Variants in ATL2 observed in about 807,000 individuals in gnomAD.
ATL2 encodes the protein atlastin-2.
In ATL2, 31 loss-of-function variants were observed where a neutral mutation model predicts 73.9. The ratio of observed to expected loss-of-function variants is 0.42; its 90% CI spans 0.32 to 0.57. The LOEUF (loss-of-function observed/expected upper bound fraction) is 0.57, where lower values mean the gene tolerates loss of function less well. ATL2 is among the 20% of genes least tolerant of loss of function. ATL2 has a pLI of 0.14. For synonymous variants in ATL2, 291 were observed against 237.5 expected (o/e 1.23, Z -2.07); for missense variants, 738 against 702.6 (o/e 1.05, Z -0.57).
intron 2 of ATL2, among the ~76,000 whole-genome samples, chr2:38,325,699 T>TACACAC (rs1221635411): frequency 0.017 from 186 of 11,242 alleles, 25 homozygotes; most frequent in East Asian, 0.025. Flanking sequence ...CACACACCAG[T>TACACAC]ACACACACAC....
At position 38,300,256 on chromosome 2, in the gene ATL2, C is replaced by G. The variant is rs754206122; in HGVS notation, c.1128+16G>C. On this transcript the variant is annotated intron_variant, in intron 10 of 12. Transcript: ENST00000378954. ...ATAAGTATATGTACAACACATATCA[C>G]TCTCTCTCTCTCTACCTGAAGCATG... The G allele has an allele frequency of 4.4e-6, 4 of 901,176 alleles. No homozygotes were observed. The African/African-American group carries it at 5.3e-5, about 12-fold the overall frequency. The allele number at this position is 901,176 out of a possible 1,614,324, so 55.8% of individuals were successfully genotyped here. A position where few individuals can be genotyped will look rare whatever the true frequency, so the allele number is the denominator to read the frequency against.
Position 38,360,513 on chromosome 2 carries a change from C to T in ATL2, c.118+16630G>A, listed in dbSNP as rs184554698. On this transcript the variant is annotated intron_variant, in intron 1 of 12. Transcript: ENST00000378954. ...CCCAGGCTGGTCTCAAACTCCTGGA[C>T]TAAAGGGATCCTCCTGCCTCAGCCT... Among the ~76,000 whole-genome samples the T allele has an allele frequency of 4.0e-4, 61 of 152,222 alleles. 1 individual carries two copies. In the Middle Eastern group the frequency reaches 0.01, roughly 25 times the overall value.
intron 1 of ATL2, among the ~76,000 whole-genome samples, chr2:38,363,966 T>C (rs1671158156): frequency 6.6e-6 from 1 of 152,144 alleles, no homozygotes; most frequent in Non-Finnish European, 1.5e-5. Flanking sequence ...AAGGCTAACT[T>C]TAAAAATGTA....
chr2:38,369,459 A>C (rs1374812402), intron 1 of ATL2, among the ~76,000 whole-genome samples: 1 of 149,904 alleles, frequency 6.7e-6, no homozygotes, highest in Non-Finnish European at 1.5e-5. Context: ...AAAATAAATA[A>C]ATTTTTTTAG....
chr2:38,308,278 G>T (rs1441709159), intron 9 of ATL2, among the ~76,000 whole-genome samples: 2 of 152,160 alleles, frequency 1.3e-5, no homozygotes, highest in African/African-American at 4.8e-5. Flanking sequence ...CCATATAAAA[G>T]AATGAGATCC....
intron 1 of ATL2, among the ~76,000 whole-genome samples, chr2:38,357,263 G>A (rs1273496607): frequency 6.6e-6 from 1 of 152,038 alleles, no homozygotes; most frequent in African/African-American, 2.4e-5. Context: ...AGGAGGCAGA[G>A]GTTGCAGAGA....
intron 12 of ATL2, 162 bp downstream of exon 12, chr2:38,297,981 GA>G (rs1316660805): frequency 1.5e-6 from 1 of 686,262 alleles, no homozygotes; most frequent in East Asian, 2.8e-5. Flanking sequence ...TAACTTTAAA[GA>G]AAAAATCTTC....
intron 7 of ATL2, among the ~76,000 whole-genome samples, chr2:38,312,780 C>T (rs1383844682): frequency 2.6e-5 from 4 of 151,868 alleles, no homozygotes; most frequent in Non-Finnish European, 5.9e-5. Flanking sequence ...TTCCTGAGGC[C>T]TCCCAGTCAT....
intron 1 of ATL2, among the ~76,000 whole-genome samples, chr2:38,373,090 C>G (rs1484896255): frequency 6.6e-6 from 1 of 152,104 alleles, no homozygotes; most frequent in Non-Finnish European, 1.5e-5. Context: ...CATCTGTTTC[C>G]CACGACAGCC....
chr2:38,335,995 GCCACAGCGAGAC>G (rs1479216707), intron 2 of ATL2, among the ~76,000 whole-genome samples: 1 of 152,124 alleles, frequency 6.6e-6, no homozygotes, highest in Non-Finnish European at 1.5e-5. Context: ...CAGCCTGGGC[GCCACAGCGAGAC>G]TCTGTCTCTA....
At chr2:38,364,310 T>C (rs1204850720) in intron 1 of ATL2, among the ~76,000 whole-genome samples, 2 of 152,082 alleles carry the variant, frequency 1.3e-5, no homozygotes, top group Non-Finnish European at 2.9e-5. Flanking sequence ...TCTGAGAATG[T>C]TGGACATCAA....
Position 38,367,616 on chromosome 2 carries a change from ACC to A in ATL2, c.118+9525_118+9526del, listed in dbSNP as rs1671414041. On this transcript the variant is annotated intron_variant, in intron 1 of 12. Transcript: ENST00000378954. ...TCTCAAAAAAAAAAAAAAAAAAAAA[ACC>A]GCCCATTTAAAACAACTTTTTTTTT... Among the ~76,000 whole-genome samples the A allele has an allele frequency of 1.2e-3, 164 of 139,748 alleles. 1 individual carries two copies. The highest frequency in any genetic ancestry group is 2.2e-3 in the Non-Finnish European group (140 of 64,772). 91.7% of individuals were successfully genotyped at this position (139,748 alleles called of 152,430 possible). A position where few individuals can be genotyped will look rare whatever the true frequency, so the allele number is the denominator to read the frequency against.
intron 4 of ATL2, among the ~76,000 whole-genome samples, chr2:38,317,307 C>A (rs766531811): frequency 3.0e-4 from 45 of 152,122 alleles, no homozygotes; most frequent in Non-Finnish European, 2.9e-5. Flanking sequence ...AACCGCCATA[C>A]TTCAATAATT....
chr2:38,343,612 C>G, intron 1 of ATL2, 100 bp from the exon 2 acceptor site: 1 of 1,036,428 alleles, frequency 9.6e-7, no homozygotes, highest in South Asian at 1.4e-5. Flanking sequence ...AGTAATTGCC[C>G]CCTCCCCCCA....
At chr2:38,351,298 T>G (rs1178908598) in intron 1 of ATL2, among the ~76,000 whole-genome samples, 2 of 152,084 alleles carry the variant, frequency 1.3e-5, no homozygotes, top group Non-Finnish European at 2.9e-5. Flanking sequence ...CTTAAAGAGG[T>G]TATACGATGG....
Position 38,370,596 on chromosome 2 carries a change from C to A in ATL2, c.118+6547G>T, listed in dbSNP as rs537298829. 2.6e-5 allele frequency among the ~76,000 whole-genome samples: 4 copies of A among 151,932 alleles called. No homozygotes were observed. The East Asian group carries it at 7.7e-4, about 29-fold the overall frequency. Reference sequence around the variant, plus strand: ...GACCAGCCTGACCAACGTGGTAAGACCCGTCTCTACTAAAAAATACAAAAA... The same window carrying A: ...GACCAGCCTGACCAACGTGGTAAGAACCGTCTCTACTAAAAAATACAAAAA... On this transcript the variant is annotated intron_variant, in intron 1 of 12. Coordinates refer to ENST00000378954, the MANE Select transcript of ATL2 (RefSeq NM_001135673.4).
In ATL2 at chr2:38,320,506, T is replaced by C. The variant is rs553666899; in HGVS notation, c.364-1487A>G. On this transcript the variant is annotated intron_variant, in intron 2 of 12. Coordinates refer to ENST00000378954, the MANE Select transcript of ATL2 (RefSeq NM_001135673.4). The stretch of plus-strand genomic sequence containing the variant: ...TTAAAATTTTCCATAATAAAAGTTT[T>C]TAACTAGAACCACAGGGCTAAATTG... Among the ~76,000 whole-genome samples, 230 of 152,302 alleles carry C rather than the reference T, an allele frequency of 1.5e-3. 2 individuals are homozygous for C. The highest frequency in any genetic ancestry group is 5.2e-3 in the African/African-American group (217 of 41,570).
At chr2:38,376,854 C>A (rs997282433) in intron 1 of ATL2, among the ~76,000 whole-genome samples, 3 of 150,890 alleles carry the variant, frequency 2.0e-5, no homozygotes, top group Non-Finnish European at 4.4e-5. Flanking sequence ...ACGGCGGCAG[C>A]CACGCGGCGG....
intron 1 of ATL2, among the ~76,000 whole-genome samples, chr2:38,349,115 C>T (rs1358201143): frequency 4.0e-5 from 6 of 151,470 alleles, no homozygotes; most frequent in East Asian, 1.9e-4. Flanking sequence ...GTCAGTGTGG[C>T]GATTCCTCAG....
Sources: gnomAD v4.1 joint callset for allele counts (sites outside exome capture counted in the v4.1 genomes callset) on GRCh38, gnomAD v4.1.1 for gene constraint, MANE v1.5 for transcripts, NCBI Gene and HGNC (gene_info 2026-07-23, HGNC 2026-07-21) for gene names.